The following TJP1 variants were observed in gnomAD, a reference collection of about 807,000 sequenced individuals.
The protein encoded by TJP1 is tight junction protein 1.
In TJP1, 43 loss-of-function variants were observed where a neutral mutation model predicts 194.2. That is an observed-to-expected ratio of 0.22 (90% confidence interval 0.17 to 0.29). TJP1 has a LOEUF of 0.29. TJP1 is among the 10% of genes least tolerant of loss of function. The pLI is 1.00. For synonymous variants in TJP1, 801 were observed against 779.0 expected, an observed-to-expected ratio of 1.03 and a Z score of -0.47; for missense variants, 1,971 against 2,185.7, an observed-to-expected ratio of 0.90 and a Z score of 1.96.
At chr15:29,948,355 C>G (rs2055356756) in intron 2 of TJP1, among the ~76,000 whole-genome samples, 2 of 151,780 alleles carry the variant, frequency 1.3e-5, no homozygotes, top group South Asian at 2.1e-4. Flanking sequence ...ACAGTCTTAC[C>G]TTATTAATAC....
intron 2 of TJP1, among the ~76,000 whole-genome samples, chr15:29,937,966 T>A (rs1175848946): frequency 6.6e-6 from 1 of 152,240 alleles, no homozygotes; most frequent in African/African-American, 2.4e-5. Context: ...TCTTACTGTA[T>A]CTCACTTAAC....
intron 2 of TJP1, among the ~76,000 whole-genome samples, chr15:29,861,087 G>A (rs1211537517): frequency 6.6e-6 from 1 of 152,196 alleles, no homozygotes; most frequent in African/African-American, 2.4e-5. Flanking sequence ...CTGTAATGCT[G>A]TGAATATGCA....
At chr15:29,919,490 T>C (rs1053582627) in intron 2 of TJP1, among the ~76,000 whole-genome samples, 1 of 152,166 alleles carries the variant, frequency 6.6e-6, no homozygotes, top group Admixed American at 6.5e-5. Context: ...CTGGTGCAGT[T>C]TTCATTCTAA....
intron 10 of TJP1, among the ~76,000 whole-genome samples, chr15:29,740,307 A>C (rs887442283): frequency 1.3e-5 from 2 of 151,962 alleles, no homozygotes; most frequent in African/African-American, 4.8e-5. Context: ...TATTCACATC[A>C]TGTCCCCTTT....
Position 29,961,341 on chromosome 15 carries a change from T to C in TJP1, c.174-4977A>G, listed in dbSNP as rs889368974. Among the ~76,000 whole-genome samples, 8 of 138,426 alleles carry C rather than the reference T, an allele frequency of 5.8e-5. 1 individual carries two copies. Among genetic ancestry groups the C allele is most frequent in the African/African-American group, 8.0e-5 (3 of 37,326 alleles). 90.8% of individuals were successfully genotyped at this position (138,426 alleles called of 152,430 possible). A position where few individuals can be genotyped will look rare whatever the true frequency, so the allele number is the denominator to read the frequency against. On this transcript the variant is annotated intron_variant, in intron 1 of 28. Coordinates refer to the TJP1 transcript ENST00000356107. ...GTTTTACTTTTCCTAATTCTTTTTT[T>C]TTTTTTTTTTTTTTTTTTGAGACGG...
At chr15:29,771,637 C>CT (rs2046686631) in intron 4 of TJP1, among the ~76,000 whole-genome samples, 1 of 151,768 alleles carries the variant, frequency 6.6e-6, no homozygotes, top group Non-Finnish European at 1.5e-5. Flanking sequence ...AACCCTGTCT[C>CT]TACTAAAAAT....
chr15:29,842,113 TAG>T (rs1340734092), intron 2 of TJP1, among the ~76,000 whole-genome samples: 2 of 152,208 alleles, frequency 1.3e-5, no homozygotes, highest in Admixed American at 6.5e-5. Flanking sequence ...ACATCATTGA[TAG>T]AGTCTTAGAA....
intron 8 of TJP1, among the ~76,000 whole-genome samples, chr15:29,752,695 G>A (rs149895952): frequency 2.6e-5 from 4 of 152,026 alleles, no homozygotes; most frequent in East Asian, 1.9e-4. Context: ...GGATGTCATC[G>A]ATATTCCACT....
intron 8 of TJP1, among the ~76,000 whole-genome samples, chr15:29,749,721 G>A (rs1044460719): frequency 5.3e-5 from 8 of 152,202 alleles, no homozygotes; most frequent in African/African-American, 1.9e-4. Context: ...CACTCAGTGA[G>A]CACCGTTGTT....
In TJP1 at chr15:29,719,122, G is replaced by A; in HGVS notation, c.3020C>T (p.Pro1007Leu). Residue 1007 changes from proline to leucine, a missense_variant, in exon 21 of 28, where the codon CCA becomes CTA. By Grantham distance (98) the Pro-to-Leu change is moderately conservative. This residue lies in a region of TJP1 where 1,108 missense variants were observed against 1,128.5 expected (regional missense o/e 0.98). Transcript: ENST00000614355. ...CTGCCTCATCATTTCCTCGGGATAT[G>A]GATCCTTTCTATACACCTGTATAAA... ...VDPTKVYRKDPYPEEMMRQNH... is the reference protein window; with the variant it reads ...VDPTKVYRKDLYPEEMMRQNH... 6.2e-7 allele frequency: 1 copy of A among 1,611,556 alleles called. No homozygotes were observed. Among genetic ancestry groups the A allele is most frequent in the Non-Finnish European group, 8.5e-7 (1 of 1,179,188 alleles).
intron 2 of TJP1, among the ~76,000 whole-genome samples, chr15:29,798,098 AAGTAGCTGGG>A (rs923560886): frequency 2.6e-5 from 4 of 151,894 alleles, no homozygotes; most frequent in African/African-American, 9.7e-5. Context: ...CTCAGCCTCC[AAGTAGCTGGG>A]ACTACAGGCG....
intron 2 of TJP1, among the ~76,000 whole-genome samples, chr15:29,920,673 C>T (rs1033183430): frequency 2.0e-5 from 3 of 152,120 alleles, no homozygotes; most frequent in Non-Finnish European, 2.9e-5. Flanking sequence ...GTGGGAGGAG[C>T]GGCCACTGCA....
At position 29,772,177 on chromosome 15, in the gene TJP1, A is replaced by T. The variant is rs182043853; in HGVS notation, c.210-11T>A. The T allele has an allele frequency of 1.1e-5, 16 of 1,523,454 alleles. No homozygotes were observed. In the East Asian group the frequency reaches 2.5e-4, roughly 24 times the overall value. 94.4% of individuals were successfully genotyped at this position (1,523,454 alleles called of 1,614,324 possible). A position where few individuals can be genotyped will look rare whatever the true frequency, so the allele number is the denominator to read the frequency against. ...ACTCGGTCATTTTCCCTAAGGGGAAAAGGGCACAAAATAATATGTTAGAGA... is the reference window on the plus strand; with the variant it reads ...ACTCGGTCATTTTCCCTAAGGGGAATAGGGCACAAAATAATATGTTAGAGA... On this transcript the variant is annotated splice_polypyrimidine_tract_variant and intron_variant, in intron 3 of 27. Coordinates refer to ENST00000614355, the MANE Select transcript of TJP1 (RefSeq NM_001330239.4).
intron 2 of TJP1, among the ~76,000 whole-genome samples, chr15:29,839,110 TGCCTCA>T (rs918312723): frequency 2.1e-5 from 3 of 143,526 alleles, no homozygotes; most frequent in Non-Finnish European, 3.0e-5. Flanking sequence ...GCCATTCTCC[TGCCTCA>T]GCCTCCCGAG....
intron 4 of TJP1, among the ~76,000 whole-genome samples, chr15:29,768,388 C>A (rs909192176): frequency 1.3e-5 from 2 of 152,172 alleles, no homozygotes; most frequent in South Asian, 2.1e-4. Flanking sequence ...CATCTCACTT[C>A]TATTTAATTT....
intron 8 of TJP1, among the ~76,000 whole-genome samples, chr15:29,744,164 C>A (rs2044611455): frequency 6.6e-6 from 1 of 152,034 alleles, no homozygotes; most frequent in Non-Finnish European, 1.5e-5. Flanking sequence ...GGTGACAGAG[C>A]AAGACTCTGT....
intron 2 of TJP1, among the ~76,000 whole-genome samples, chr15:29,928,490 T>C (rs1298409848): frequency 6.6e-6 from 1 of 152,238 alleles, no homozygotes; most frequent in Non-Finnish European, 1.5e-5. Flanking sequence ...TGAACATATG[T>C]GTAACCTATG....
chr15:29,770,806 T>A (rs1307488936), intron 4 of TJP1, among the ~76,000 whole-genome samples: 3 of 152,036 alleles, frequency 2.0e-5, no homozygotes, highest in African/African-American at 7.2e-5. Flanking sequence ...AAAGTTTCAG[T>A]AAGCTAAGGT....
upstream of TJP1, among the ~76,000 whole-genome samples, chr15:29,969,036 C>T (rs978908322): frequency 1.4e-5 from 2 of 147,008 alleles, no homozygotes; most frequent in South Asian, 2.1e-4. Context: ...CCCTGCAGGC[C>T]GTGGCCCGGC....
Sources: allele counts gnomAD v4.1 joint callset (sites outside exome capture counted in the v4.1 genomes callset), GRCh38; gene constraint gnomAD v4.1.1; regional missense constraint gnomAD v4.1.1; transcripts MANE v1.5; gene names NCBI Gene and HGNC (gene_info 2026-07-23, HGNC 2026-07-21).